GCNT3: variants seen among roughly 807,000 people sequenced by gnomAD.
GCNT3 encodes glucosaminyl (N-acetyl) transferase 3, mucin type, also known as beta-1,3-galactosyl-O-glycosyl-glycoprotein beta-1,6-N-acetylglucosaminyltransferase 3.
For synonymous variants in GCNT3, 269 were observed against 195.2 expected (o/e 1.38, Z -3.15); for missense variants, 708 against 530.3 (o/e 1.34, Z -3.29).
Position 59,619,287 on chromosome 15 carries a change from C to A in GCNT3, c.1049C>A (p.Pro350His). 1 of 1,614,134 alleles carries A rather than the reference C, an allele frequency of 6.2e-7. No individual in the cohort carries two copies. Among genetic ancestry groups the A allele is most frequent in the Non-Finnish European group, 8.5e-7 (1 of 1,180,014 alleles). Residue 350 changes from proline (P) to histidine (H), a missense_variant, in exon 3 of 3, where the codon CCC becomes CAC. Physicochemically the swap from Pro to His is moderately conservative, Grantham distance 77. Transcript: ENST00000396065. ...ATGCCTGGCTCTGTTCCCAACCACCCCAAGTACGACATCTCAGACATGACT... is the reference window on the plus strand; with the variant it reads ...ATGCCTGGCTCTGTTCCCAACCACCACAAGTACGACATCTCAGACATGACT... The part of the protein sequence containing the change: ...RWMPGSVPNH[P>H]KYDISDMTSI...
Position 59,619,091 on chromosome 15 carries a change from C to T in GCNT3, c.853C>T (p.Pro285Ser). ...TLHLTNKKKD[P>S]PPYNLTMFTG... Reference sequence around the variant, plus strand: ...ACACCTAACCAACAAGAAGAAGGATCCTCCCCCTTATAATTTAACTATGTT... The same window carrying T: ...ACACCTAACCAACAAGAAGAAGGATTCTCCCCCTTATAATTTAACTATGTT... The change falls in exon 3 of 3, where the codon CCT becomes TCT. Residue 285 changes from proline (P) to serine (S), a missense_variant. Transcript: ENST00000396065. 5 of 1,613,988 alleles carry T rather than the reference C, an allele frequency of 3.1e-6. No homozygotes were observed. The highest frequency in any genetic ancestry group is 3.4e-6 in the Non-Finnish European group (4 of 1,179,878).
chr15:59,612,988 C>G (rs1351238722), intron 1 of GCNT3, among the ~76,000 whole-genome samples: 1 of 151,894 alleles, frequency 6.6e-6, no homozygotes, highest in Non-Finnish European at 1.5e-5. Context: ...CTACTTGTAA[C>G]CACCTTGAGT....
At position 59,618,610 on chromosome 15, in the gene GCNT3, G is replaced by A. The variant is rs769563495; in HGVS notation, c.372G>A (p.Leu124=). The A allele has an allele frequency of 1.3e-5, 21 of 1,614,044 alleles. No homozygotes were observed. The highest frequency in any genetic ancestry group is 1.7e-5 in the Non-Finnish European group (20 of 1,179,958). The stretch of plus-strand genomic sequence containing the variant: ...AAAGGAAGTTCATACAGTTCCCACT[G>A]AGCAAAGAAGAGGTGGAGTTCCCTA... ...KAERKFIQFP[L]SKEEVEFPIA... The change falls in exon 3 of 3, where the codon CTG becomes CTA. Residue 124 remains leucine (L), a synonymous_variant. Coordinates refer to ENST00000396065, the MANE Select transcript of GCNT3 (RefSeq NM_004751.3).
intron 2 of GCNT3, among the ~76,000 whole-genome samples, chr15:59,617,513 G>T (rs540557661): frequency 1.3e-5 from 2 of 152,026 alleles, no homozygotes; most frequent in African/African-American, 2.4e-5. Context: ...ACCCACAAAA[G>T]GTACTCATTA....
chr15:59,619,640 AC>A lies in GCNT3; in HGVS notation c.*87del. On this transcript the variant is annotated 3_prime_UTR_variant, in exon 3 of 3. Transcript: ENST00000396065. ...CTTGCTGGGACAGTGTGGGTGGGAG[AC>A]CAGGGCTTTGCAATTCGTGGCATCC... 1 of 863,078 alleles carries A rather than the reference AC, an allele frequency of 1.2e-6. No individual in the cohort carries two copies. The highest frequency in any genetic ancestry group is 1.9e-6 in the Non-Finnish European group (1 of 535,904). 53.5% of individuals were successfully genotyped at this position (863,078 alleles called of 1,614,324 possible).
chr15:59,619,657 C>T lies in GCNT3; in HGVS notation c.*102C>T, dbSNP rs1263335281. On this transcript the variant is annotated 3_prime_UTR_variant, in exon 3 of 3. Coordinates refer to ENST00000396065, the MANE Select transcript of GCNT3 (RefSeq NM_004751.3). ...GGTGGGAGACCAGGGCTTTGCAATTCGTGGCATCCTTTAGGATAAGAGGGC... is the reference window on the plus strand; with the variant it reads ...GGTGGGAGACCAGGGCTTTGCAATTTGTGGCATCCTTTAGGATAAGAGGGC... 28 of 751,252 alleles carry T rather than the reference C, an allele frequency of 3.7e-5. No individual in the cohort carries two copies. Among genetic ancestry groups the T allele is most frequent in the Middle Eastern group, 2.4e-4 (1 of 4,114 alleles). 46.5% of individuals were successfully genotyped at this position (751,252 alleles called of 1,614,324 possible).
Position 59,619,441 on chromosome 15 carries a change from G to A in GCNT3, c.1203G>A (p.Met401Ile), listed in dbSNP as rs1162415087. Residue 401 changes from methionine (M) to isoleucine (I), a missense_variant, in exon 3 of 3, where the codon ATG becomes ATA. By Grantham distance (10) the Met-to-Ile change is conservative (BLOSUM62 1). Transcript: ENST00000396065. ...CVYGAGDLNW[M>I]LQNHHLLANK... ...ATGGGGCTGGGGACTTGAATTGGAT[G>A]CTTCAAAACCATCACCTGTTGGCCA... is the stretch of plus-strand genomic sequence containing the variant. 1.2e-6 allele frequency: 2 copies of A among 1,614,122 alleles called. No homozygotes were observed. The highest frequency in any genetic ancestry group is 4.5e-5 in the East Asian group (2 of 44,886).
intron 2 of GCNT3, among the ~76,000 whole-genome samples, chr15:59,617,769 C>T (rs1395197953): frequency 2.0e-5 from 3 of 152,102 alleles, no homozygotes; most frequent in Non-Finnish European, 2.9e-5. Flanking sequence ...TTTCTAGAAC[C>T]GATGCCAAGA....
In GCNT3 at chr15:59,618,787, C is replaced by G; in HGVS notation, c.549C>G (p.Phe183Leu). 3.7e-6 allele frequency: 6 copies of G among 1,614,162 alleles called. No homozygotes were observed. Among genetic ancestry groups the G allele is most frequent in the East Asian group, 2.2e-5 (1 of 44,884 alleles). ...CGGTCAAAGCAATTATTTCTTGCTT[C>G]CCAAATGTCTTCATAGCCAGTAAGC... ...KEAVKAIISC[F>L]PNVFIASKLV... Residue 183 changes from phenylalanine (F) to leucine (L), a missense_variant, in exon 3 of 3, where the codon TTC becomes TTG. Phe to Leu is a conservative substitution (Grantham distance 22, BLOSUM62 0). Transcript: ENST00000396065.
rs1179917377 is a variant in GCNT3 at position 59,618,325 on chromosome 15, T to G, written c.87T>G (p.Leu29=). 6.2e-7 allele frequency: 1 copy of G among 1,613,570 alleles called. No homozygotes were observed. The highest frequency in any genetic ancestry group is 8.5e-7 in the Non-Finnish European group (1 of 1,179,796). Reference sequence around the variant, plus strand: ...TGCTGGCCACTGTGGCTCTGAAACTTTCTTTCAGGTTGAAGTGTGACTCTG... The same window carrying G: ...TGCTGGCCACTGTGGCTCTGAAACTGTCTTTCAGGTTGAAGTGTGACTCTG... ...YMLLATVALK[L]SFRLKCDSDH... is the part of the protein sequence containing the mutation. Residue 29 remains leucine, a synonymous_variant, in exon 3 of 3, where the codon CTT becomes CTG. Coordinates refer to ENST00000396065, the MANE Select transcript of GCNT3 (RefSeq NM_004751.3).
At chr15:59,615,003 G>C (rs1415812310) in intron 1 of GCNT3, 1 of 152,174 alleles carries the variant, frequency 6.6e-6, no homozygotes, top group African/African-American at 2.4e-5. Context: ...TGTGCACCAA[G>C]AAGGCAACTC....
rs1466462048 is a variant in GCNT3, at chr15:59,620,869, CTCTTTTTTT to C, written c.*1316_*1324del. 1 of 92,944 alleles carries C rather than the reference CTCTTTTTTT, an allele frequency of 1.1e-5. No homozygotes were observed. The highest frequency in any genetic ancestry group is 3.6e-5 in the African/African-American group (1 of 27,632). The allele number at this position is 92,944 out of a possible 1,614,324, so 5.8% of individuals were successfully genotyped here. A position where few individuals can be genotyped will look rare whatever the true frequency, so the allele number is the denominator to read the frequency against. On this transcript the variant is annotated 3_prime_UTR_variant, in exon 3 of 3. Transcript: ENST00000396065. ...CATGTTTAGGCCTCTTGAGTCAAAA[CTCTTTTTTT>C]TTTTTTTTTTTTTTTTTTTTTTGGA... is the stretch of plus-strand genomic sequence containing the variant.
rs778834381 is a variant in GCNT3 at position 59,618,801 on chromosome 15, T to G, written c.563T>G (p.Ile188Arg). The G allele has an allele frequency of 2.0e-5, 33 of 1,614,214 alleles. No individual in the cohort carries two copies. Among genetic ancestry groups the G allele is most frequent in the Non-Finnish European group, 2.6e-5 (31 of 1,180,036 alleles). The stretch of plus-strand genomic sequence containing the variant: ...ATTTCTTGCTTCCCAAATGTCTTCA[T>G]AGCCAGTAAGCTGGTTCGGGTGGTT... ...AIISCFPNVF[I>R]ASKLVRVVYA... is the part of the protein sequence containing the mutation. Residue 188 changes from isoleucine to arginine, a missense_variant, in exon 3 of 3, where the codon ATA becomes AGA. Physicochemically the swap from Ile to Arg is moderately conservative, Grantham distance 97 (BLOSUM62 -3). Transcript: ENST00000396065.
chr15:59,622,460 A>G lies in GCNT3; in HGVS notation c.*2905A>G, dbSNP rs1249800619. 1 of 152,100 alleles carries G rather than the reference A, an allele frequency of 6.6e-6. No individual in the cohort carries two copies. The highest frequency in any genetic ancestry group is 6.6e-5 in the Admixed American group (1 of 15,240). 9.4% of individuals were successfully genotyped at this position (152,100 alleles called of 1,614,324 possible). On this transcript the variant is annotated 3_prime_UTR_variant, in exon 3 of 3. Coordinates refer to ENST00000396065, the MANE Select transcript of GCNT3 (RefSeq NM_004751.3). The stretch of plus-strand genomic sequence containing the variant: ...GGAGATGACTGATGACTAGTTGTAT[A>G]CACAGTGGGTGTGCCCTGAGAGGTC...
intron 1 of GCNT3, chr15:59,615,109 A>G (rs2082713382): frequency 6.6e-6 from 1 of 152,178 alleles, no homozygotes; most frequent in African/African-American, 2.4e-5. Flanking sequence ...CCTCTTGCAA[A>G]CCACGTTTCT....
chr15:59,618,086 G>A, intron 2 of GCNT3, 93 bp from the exon 3 acceptor site: 1 of 555,442 alleles, frequency 1.8e-6, no homozygotes, highest in East Asian at 2.8e-5. Context: ...TTTTTGTCCA[G>A]GTAAGAAATA....
At chr15:59,617,636 C>A (rs1330059232) in intron 2 of GCNT3, among the ~76,000 whole-genome samples, 1 of 152,076 alleles carries the variant, frequency 6.6e-6, no homozygotes, top group Admixed American at 6.6e-5. Context: ...TCTTTAAGAA[C>A]ATTTTTTAAA....
Position 59,622,095 on chromosome 15 carries a change from T to A in GCNT3, c.*2540T>A, listed in dbSNP as rs1435777272. 1 of 151,510 alleles carries A rather than the reference T, an allele frequency of 6.6e-6. No individual in the cohort carries two copies. The highest frequency in any genetic ancestry group is 1.5e-5 in the Non-Finnish European group (1 of 67,884). The allele number at this position is 151,510 out of a possible 1,614,324, so 9.4% of individuals were successfully genotyped here. ...TGGGAGGCCAAGGTAGGCAGATCAC[T>A]TGAGGTCAGGAGTTCAAGATCAGCC... On this transcript the variant is annotated 3_prime_UTR_variant, in exon 3 of 3. Coordinates refer to ENST00000396065, the MANE Select transcript of GCNT3 (RefSeq NM_004751.3).
chr15:59,616,119 A>G (rs1319048157), intron 1 of GCNT3, among the ~76,000 whole-genome samples: 1 of 152,202 alleles, frequency 6.6e-6, no homozygotes, highest in East Asian at 1.9e-4. Context: ...CATAGACATT[A>G]GTGAGGGAGC....
Sources: gnomAD v4.1 joint callset for allele counts (sites outside exome capture counted in the v4.1 genomes callset) on GRCh38, gnomAD v4.1.1 for gene constraint, MANE v1.5 for transcripts, NCBI Gene and HGNC (gene_info 2026-07-23, HGNC 2026-07-21) for gene names.